The following LYPD6 variants were observed in gnomAD, a reference collection of about 807,000 sequenced individuals.
LYPD6 encodes the protein ly6/PLAUR domain-containing protein 6.
LYPD6 carries 15 observed loss-of-function variants against 22.7 expected under a neutral mutation model. That is an observed-to-expected ratio of 0.66 (90% CI 0.44 to 1.02). The LOEUF (loss-of-function observed/expected upper bound fraction) is 1.02, where lower values mean the gene tolerates loss of function less well. LYPD6 is among the 50% of genes least tolerant of loss of function. The pLI is 0.00. For synonymous variants in LYPD6, 72 were observed against 77.5 expected, an observed-to-expected ratio of 0.93 and a Z score of 0.37; for missense variants, 189 against 208.4, an observed-to-expected ratio of 0.91 and a Z score of 0.57.
Position 149,471,025 on chromosome 2 carries a change from A to G in LYPD6, c.*175A>G, listed in dbSNP as rs916014355. ...GAATAAATGTTGCTTCATTGTAGCCATTTTGAGTCTAACCGAGACTCATCA... is the reference window on the plus strand; with the variant it reads ...GAATAAATGTTGCTTCATTGTAGCCGTTTTGAGTCTAACCGAGACTCATCA... On this transcript the variant is annotated 3_prime_UTR_variant, in exon 5 of 5. Transcript: ENST00000334166. 8 of 552,338 alleles carry G rather than the reference A, an allele frequency of 1.4e-5. No homozygotes were observed. The highest frequency in any genetic ancestry group is 2.5e-5 in the Non-Finnish European group (8 of 316,622). The allele number at this position is 552,338 out of a possible 1,614,324, so 34.2% of individuals were successfully genotyped here.
chr2:149,464,541 C>A (rs963069959), intron 3 of LYPD6: 38 of 156,884 alleles, frequency 2.4e-4, no homozygotes, highest in African/African-American at 9.2e-4. Flanking sequence ...ACTGATGATT[C>A]TATCAGGGAA....
intron 3 of LYPD6, among the ~76,000 whole-genome samples, chr2:149,453,742 C>CT (rs1188661938): frequency 6.6e-6 from 1 of 152,146 alleles, no homozygotes; most frequent in East Asian, 1.9e-4. Flanking sequence ...TTATTGTTGA[C>CT]TTTTTTCAGA....
intron 1 of LYPD6, among the ~76,000 whole-genome samples, chr2:149,415,204 C>G (rs1682935274): frequency 6.6e-6 from 1 of 152,170 alleles, no homozygotes; most frequent in Admixed American, 6.5e-5. Context: ...GTGGAGGAAT[C>G]TGTGCTCCAC....
chr2:149,481,136 G>A, the LYPD6 span, among the ~76,000 whole-genome samples: 2 of 152,164 alleles, frequency 1.3e-5, no homozygotes, highest in Non-Finnish European at 2.9e-5. Context: ...GGAGAATAGT[G>A]CCTGGAACAT....
chr2:149,478,638 G>T (rs1681479680), downstream of LYPD6, among the ~76,000 whole-genome samples: 1 of 151,900 alleles, frequency 6.6e-6, no homozygotes, highest in African/African-American at 2.4e-5. Context: ...TGCCCAGACT[G>T]GTCGAAAACT....
intron 3 of LYPD6, chr2:149,464,172 A>T (rs1021450271): frequency 5.0e-6 from 2 of 398,486 alleles, no homozygotes; most frequent in Admixed American, 3.9e-5. Context: ...AGGAACCATG[A>T]TCTAGAAGAA....
At chr2:149,378,601 C>T (rs1681987377) in intron 1 of LYPD6, among the ~76,000 whole-genome samples, 1 of 152,090 alleles carries the variant, frequency 6.6e-6, no homozygotes, top group African/African-American at 2.4e-5. Flanking sequence ...TGATTATTTT[C>T]GTTTGTACAG....
chr2:149,443,926 A>G (rs1442310063), intron 2 of LYPD6, among the ~76,000 whole-genome samples: 3 of 143,782 alleles, frequency 2.1e-5, no homozygotes, highest in Non-Finnish European at 4.5e-5. Context: ...AACAATGTGC[A>G]TATCTTTTTT....
intron 3 of LYPD6, 91 bp from the exon 4 acceptor site, chr2:149,468,554 C>A: frequency 6.9e-7 from 1 of 1,444,946 alleles, no homozygotes; most frequent in Non-Finnish European, 9.4e-7. Context: ...TAGCTCTTTT[C>A]TGGAATGATA....
chr2:149,454,117 G>A (rs1680898426), intron 3 of LYPD6, among the ~76,000 whole-genome samples: 1 of 152,154 alleles, frequency 6.6e-6, no homozygotes, highest in Non-Finnish European at 1.5e-5. Flanking sequence ...TCATATTATT[G>A]TCATATTGCT....
At chr2:149,339,094 A>T (rs1681111552) in intron 1 of LYPD6, among the ~76,000 whole-genome samples, 1 of 152,168 alleles carries the variant, frequency 6.6e-6, no homozygotes, top group Admixed American at 6.5e-5. Flanking sequence ...TGGAAGATAA[A>T]GACTCAAGGG....
chr2:149,396,397 C>T (rs1305342851), intron 1 of LYPD6, among the ~76,000 whole-genome samples: 2 of 152,032 alleles, frequency 1.3e-5, no homozygotes, highest in African/African-American at 4.8e-5. Context: ...AGCCCTGCTT[C>T]TTCCTAATGC....
chr2:149,344,037 A>G (rs140817655), intron 1 of LYPD6, among the ~76,000 whole-genome samples: 16 of 152,340 alleles, frequency 1.1e-4, no homozygotes, highest in African/African-American at 3.6e-4. Context: ...TTTGACAGTG[A>G]TACTCATTTT....
intron 1 of LYPD6, among the ~76,000 whole-genome samples, chr2:149,391,029 C>T (rs1014567416): frequency 1.2e-4 from 18 of 152,168 alleles, no homozygotes; most frequent in African/African-American, 4.1e-4. Context: ...GCCAGTATAT[C>T]TGACTTCAAA....
intron 3 of LYPD6, among the ~76,000 whole-genome samples, chr2:149,461,495 T>C (rs1681086996): frequency 6.6e-6 from 1 of 151,920 alleles, no homozygotes; most frequent in Non-Finnish European, 1.5e-5. Context: ...GATAAAATCT[T>C]CCAGAAAATG....
intron 1 of LYPD6, among the ~76,000 whole-genome samples, chr2:149,376,219 G>A (rs554332699): frequency 8.5e-5 from 13 of 152,232 alleles, no homozygotes; most frequent in East Asian, 5.8e-4. Context: ...CCAGATTTGC[G>A]GTCTAAAACT....
chr2:149,464,915 A>T (rs559577174), intron 3 of LYPD6, among the ~76,000 whole-genome samples: 1 of 152,268 alleles, frequency 6.6e-6, no homozygotes, highest in African/African-American at 2.4e-5. Flanking sequence ...CCTTCCTGAG[A>T]TAGACACATG....
chr2:149,356,612 C>A (rs1177131879), intron 1 of LYPD6, among the ~76,000 whole-genome samples: 1 of 152,158 alleles, frequency 6.6e-6, no homozygotes, highest in Non-Finnish European at 1.5e-5. Context: ...TGATTTAGAG[C>A]AGATCTCTTC....
intron 1 of LYPD6, among the ~76,000 whole-genome samples, chr2:149,336,857 T>C (rs2105044844): frequency 6.6e-6 from 1 of 152,150 alleles, no homozygotes; most frequent in South Asian, 2.1e-4. Context: ...TGAAAATCTG[T>C]AGTTGAAAAT....
Sources: gnomAD v4.1 joint callset for allele counts (sites outside exome capture counted in the v4.1 genomes callset) on GRCh38, gnomAD v4.1.1 for gene constraint, MANE v1.5 for transcripts, NCBI Gene and HGNC (gene_info 2026-07-23, HGNC 2026-07-21) for gene names.